Variants in RNF10 observed in about 807,000 individuals in gnomAD.
RNF10 encodes the protein E3 ubiquitin-protein ligase RNF10.
Under a neutral mutation model 91.4 loss-of-function variants are expected in RNF10, and 38 were observed. The ratio of observed to expected loss-of-function variants is 0.42; its 90% confidence interval spans 0.32 to 0.54. RNF10 has a LOEUF of 0.54. Among genes scored for constraint, RNF10 ranks in the 20% least tolerant of loss-of-function variants. RNF10 has a pLI of 0.16. For missense variants in RNF10, 945 were observed against 1,012.0 expected (o/e 0.93, Z 0.90); for synonymous variants, 364 against 366.3 (o/e 0.99, Z 0.07).
intron 13 of RNF10, among the ~76,000 whole-genome samples, chr12:120,569,001 G>A (rs1230820116): frequency 1.3e-5 from 2 of 150,840 alleles, no homozygotes; most frequent in Admixed American, 6.6e-5. Context: ...ATGGAGTTTC[G>A]CTCTTGTTGC....
intron 1 of RNF10, among the ~76,000 whole-genome samples, chr12:120,544,423 C>T (rs1259142154): frequency 2.6e-5 from 4 of 151,396 alleles, no homozygotes; most frequent in East Asian, 1.9e-4. Flanking sequence ...TTTGGGAGGC[C>T]GAGCAGATGG....
intron 14 of RNF10, among the ~76,000 whole-genome samples, chr12:120,573,811 T>C (rs529836125): frequency 1.1e-3 from 174 of 152,298 alleles, no homozygotes; most frequent in Non-Finnish European, 2.0e-3. Context: ...AGCCAAGCTA[T>C]TGAAGCAGCC....
chr12:120,546,851 A>G (rs1437769746), intron 2 of RNF10, among the ~76,000 whole-genome samples: 1 of 152,144 alleles, frequency 6.6e-6, no homozygotes, highest in Non-Finnish European at 1.5e-5. Context: ...CTTAATTTGT[A>G]TGGTCTTTCT....
Position 120,546,429 on chromosome 12 carries a change from A to T in RNF10, c.182A>T (p.Lys61Met). ...GATGGAAAGAACTCCAGTGGATCCA[A>T]GCGTTATAATCGCAAACGTGAACTT... ...KSDGKNSSGSKRYNRKRELSY... is the reference protein window; with the variant it reads ...KSDGKNSSGSMRYNRKRELSY... Residue 61 changes from lysine (K) to methionine (M), a missense_variant, in exon 2 of 17, where the codon AAG becomes ATG. Physicochemically the swap from Lys to Met is moderately conservative, Grantham distance 95 (BLOSUM62 -1). Transcript: ENST00000325954. 1 of 1,613,480 alleles carries T rather than the reference A, an allele frequency of 6.2e-7. No homozygotes were observed. The highest frequency in any genetic ancestry group is 8.5e-7 in the Non-Finnish European group (1 of 1,179,820).
At chr12:120,552,413 G>T in intron 2 of RNF10, 86 bp from the exon 3 acceptor site, 1 of 1,136,900 alleles carries the variant, frequency 8.8e-7, no homozygotes, top group Non-Finnish European at 1.3e-6. Flanking sequence ...AAAAAAAGCT[G>T]TGTAAAAGGA....
intron 2 of RNF10, among the ~76,000 whole-genome samples, chr12:120,549,747 T>A (rs1038642974): frequency 1.3e-5 from 2 of 152,156 alleles, no homozygotes. Flanking sequence ...ATCGCACCAC[T>A]GCACTCCAGC....
intron 1 of RNF10, among the ~76,000 whole-genome samples, chr12:120,537,176 C>T (rs566544753): frequency 2.6e-5 from 4 of 151,722 alleles, no homozygotes; most frequent in East Asian, 3.9e-4. Flanking sequence ...CGTGGTGGCA[C>T]GCACCTGTAG....
At position 120,557,747 on chromosome 12, in the gene RNF10, C is replaced by T. The variant is rs555916791; in HGVS notation, c.967+65C>T. ...CATTCTTTAAGGTGATTGAATATAT[C>T]TAAGCATCAGAAAGTGAAGCCTTTG... On this transcript the variant is annotated intron_variant, in intron 6 of 16. Coordinates refer to ENST00000325954, the MANE Select transcript of RNF10 (RefSeq NM_014868.5). 1.7e-5 allele frequency: 27 copies of T among 1,561,036 alleles called. No homozygotes were observed. In the South Asian group the frequency reaches 3.0e-4, roughly 18 times the overall value.
At chr12:120,561,610 C>T (rs1874848688) in intron 7 of RNF10, among the ~76,000 whole-genome samples, 1 of 152,180 alleles carries the variant, frequency 6.6e-6, no homozygotes, top group Non-Finnish European at 1.5e-5. Flanking sequence ...ACATTTATCT[C>T]ACTTAAGCTT....
intron 7 of RNF10, among the ~76,000 whole-genome samples, chr12:120,561,960 C>T (rs563626429): frequency 6.6e-6 from 1 of 152,184 alleles, no homozygotes; most frequent in South Asian, 2.1e-4. Context: ...GATTTCTGTT[C>T]TGGAAGTTTT....
At chr12:120,574,438 A>G (rs1048881704) in intron 14 of RNF10, 3 of 455,948 alleles carry the variant, frequency 6.6e-6, no homozygotes, top group Non-Finnish European at 1.3e-5. Flanking sequence ...CAGGGGCATG[A>G]GGATTGTTCT....
intron 14 of RNF10, chr12:120,575,276 C>T: frequency 7.6e-6 from 2 of 264,194 alleles, no homozygotes; most frequent in Non-Finnish European, 7.3e-6. Flanking sequence ...CTTCCTCCGA[C>T]AGCTCGATGT....
intron 14 of RNF10, chr12:120,574,598 G>A (rs1460436685): frequency 2.4e-5 from 11 of 452,850 alleles, no homozygotes; most frequent in Non-Finnish European, 4.9e-5. Flanking sequence ...ATGGCTTTAG[G>A]TAACTGAAGT....
chr12:120,537,697 A>G (rs1331360741), intron 1 of RNF10, among the ~76,000 whole-genome samples: 3 of 151,856 alleles, frequency 2.0e-5, no homozygotes, highest in African/African-American at 7.3e-5. Flanking sequence ...TTTTTGTTTA[A>G]TGTGTGTGTT....
chr12:120,563,660 A>G (rs1446402294), intron 9 of RNF10, 37 bp downstream of exon 9: 1 of 1,573,442 alleles, frequency 6.4e-7, no homozygotes, highest in Non-Finnish European at 8.6e-7. Flanking sequence ...GTTGCCGCAG[A>G]GGTGTTTCAG....
chr12:120,567,919 CT>C (rs1233053327), intron 13 of RNF10, among the ~76,000 whole-genome samples: 12 of 151,384 alleles, frequency 7.9e-5, no homozygotes, highest in African/African-American at 2.9e-4. Context: ...AGAAAAACTT[CT>C]GTTAGAAGGC....
chr12:120,549,881 C>A (rs1237879766), intron 2 of RNF10, among the ~76,000 whole-genome samples: 1 of 152,112 alleles, frequency 6.6e-6, no homozygotes, highest in African/African-American at 2.4e-5. Flanking sequence ...GGGGTTGGAT[C>A]ATTGATTTGG....
At chr12:120,544,708 C>G (rs1021677030) in intron 1 of RNF10, among the ~76,000 whole-genome samples, 1 of 152,074 alleles carries the variant, frequency 6.6e-6, no homozygotes, top group Non-Finnish European at 1.5e-5. Flanking sequence ...ATAAATAAAT[C>G]GGTGTAACGG....
At chr12:120,572,168 G>A (rs567206982) in intron 14 of RNF10, among the ~76,000 whole-genome samples, 3 of 151,430 alleles carry the variant, frequency 2.0e-5, no homozygotes, top group Non-Finnish European at 2.9e-5. Flanking sequence ...CCGGGTTCAC[G>A]CCATTCTCCT....
Sources: gnomAD v4.1 joint callset for allele counts (sites outside exome capture counted in the v4.1 genomes callset) on GRCh38, gnomAD v4.1.1 for gene constraint, MANE v1.5 for transcripts, NCBI Gene and HGNC (gene_info 2026-07-23, HGNC 2026-07-21) for gene names.